MORC2: variants seen among roughly 807,000 people sequenced by gnomAD.
MORC2 encodes the protein MORC family CW-type zinc finger 2.
Under a neutral mutation model 136.0 loss-of-function variants are expected in MORC2, and 30 were observed. That is an observed-to-expected ratio of 0.22 (90% CI 0.17 to 0.30). MORC2 has a LOEUF of 0.30. Among genes scored for constraint, MORC2 ranks in the 10% least tolerant of loss-of-function variants. MORC2 has a pLI of 1.00. For synonymous variants in MORC2, 439 were observed against 487.0 expected, an observed-to-expected ratio of 0.90 and a Z score of 1.30; for missense variants, 922 against 1,333.1, an observed-to-expected ratio of 0.69 and a Z score of 4.80.
At chr22:30,933,611 T>C (rs930132701) in intron 20 of MORC2, 91 bp from the exon 21 acceptor site, 26 of 1,244,516 alleles carry the variant, frequency 2.1e-5, no homozygotes, top group Non-Finnish European at 2.7e-5. Flanking sequence ...TCAGCCATCA[T>C]CTTCACGACT....
In MORC2 at chr22:30,941,425, G is replaced by C. The variant is rs1569194731; in HGVS notation, c.824+8C>G. The stretch of plus-strand genomic sequence containing the variant: ...GGAGACAGCAGGCCAAGGGGCACTG[G>C]CCCCTACCTGGGCTTGTACAGGCAG... On this transcript the variant is annotated splice_region_variant and intron_variant, in intron 9 of 25. Transcript: ENST00000397641. The surrounding 1 kb of genome is among the most constrained non-coding windows in gnomAD (Gnocchi z 4.6). 6.2e-7 allele frequency: 1 copy of C among 1,613,598 alleles called. No homozygotes were observed. Among genetic ancestry groups the C allele is most frequent in the South Asian group, 1.1e-5 (1 of 91,058 alleles).
chr22:30,933,658 G>T, intron 20 of MORC2, 138 bp from the exon 21 acceptor site: 1 of 817,696 alleles, frequency 1.2e-6, no homozygotes, highest in Non-Finnish European at 2.0e-6. Flanking sequence ...GCCCCGTTGA[G>T]AGCCACACTC....
intron 24 of MORC2, 86 bp from the exon 25 acceptor site, chr22:30,928,293 C>T (rs184482945): frequency 1.6e-5 from 21 of 1,352,240 alleles, no homozygotes; most frequent in Non-Finnish European, 1.9e-5. Flanking sequence ...GTCTCCAGCC[C>T]GCTTTACCCA....
chr22:30,943,208 T>G (rs973025283), intron 6 of MORC2, among the ~76,000 whole-genome samples: 4 of 152,034 alleles, frequency 2.6e-5, no homozygotes, highest in Non-Finnish European at 5.9e-5. Context: ...AATTCACAAA[T>G]AGGCAAAACT....
chr22:30,937,508 G>A lies in MORC2; in HGVS notation c.1498+75C>T, dbSNP rs1363049963. 44 of 1,565,284 alleles carry A rather than the reference G, an allele frequency of 2.8e-5. No individual in the cohort carries two copies. The South Asian group carries it at 5.1e-4, about 18-fold the overall frequency. On this transcript the variant is annotated intron_variant, in intron 15 of 25. Coordinates refer to ENST00000397641, the MANE Select transcript of MORC2 (RefSeq NM_001303256.3). This position sits in a 1 kb window ranked among gnomAD's most constrained non-coding sequence, Gnocchi z 4.7. ...CCATGAATGTCAGTCAAGTTAGGAG[G>A]CTGGCAGGAAGATAGAGAAAAGAGG...
At chr22:30,967,524 T>G in intron 1 of MORC2, 1 of 1,190,430 alleles carries the variant, frequency 8.4e-7, no homozygotes, top group Non-Finnish European at 1.0e-6. Flanking sequence ...GAGCAGTATT[T>G]GTTGGATTCC....
chr22:30,956,191 C>T (rs1394180991), intron 3 of MORC2, among the ~76,000 whole-genome samples: 4 of 152,142 alleles, frequency 2.6e-5, no homozygotes, highest in African/African-American at 7.2e-5. Context: ...GATCTTACTA[C>T]AAAACAGCAG....
At chr22:30,953,836 G>A (rs1000757348) in intron 3 of MORC2, among the ~76,000 whole-genome samples, 5 of 152,214 alleles carry the variant, frequency 3.3e-5, no homozygotes, top group Admixed American at 3.3e-4. Flanking sequence ...TGAGAGGCTG[G>A]CTCCTTTTTT....
chr22:30,968,072 AGT>A lies in MORC2; in HGVS notation c.-185_-184del. The A allele has an allele frequency of 1.8e-6, 1 of 560,274 alleles. No homozygotes were observed. The highest frequency in any genetic ancestry group is 1.9e-5 in the African/African-American group (1 of 52,390). The allele number at this position is 560,274 out of a possible 1,614,324, so 34.7% of individuals were successfully genotyped here. The stretch of plus-strand genomic sequence containing the variant: ...GATGTTTAAAACTACAATTTCTTCA[AGT>A]GTTTTTTTTTAATCTTCTCAATGAT... On this transcript the variant is annotated 5_prime_UTR_variant, in exon 1 of 26. Transcript: ENST00000397641.
At chr22:30,929,980 G>A (rs2040549250) in intron 24 of MORC2, 1 of 152,066 alleles carries the variant, frequency 6.6e-6, no homozygotes, top group Non-Finnish European at 1.5e-5. Flanking sequence ...GGCCTCCCAA[G>A]TAGCTGGGAT....
chr22:30,949,262 A>T (rs2040857528), intron 5 of MORC2, among the ~76,000 whole-genome samples: 1 of 152,194 alleles, frequency 6.6e-6, no homozygotes, highest in Admixed American at 6.5e-5. Flanking sequence ...CCCTGCTATA[A>T]GGGCCTTGCA....
At chr22:30,967,673 T>C in intron 1 of MORC2, 149 bp downstream of exon 1, 1 of 1,452,384 alleles carries the variant, frequency 6.9e-7, no homozygotes, top group South Asian at 1.5e-5. Context: ...AGTTCTTCAA[T>C]ACAGAGCTCA....
At chr22:30,967,612 T>C (rs2041148568) in intron 1 of MORC2, 1 of 1,361,806 alleles carries the variant, frequency 7.3e-7, no homozygotes, top group Non-Finnish European at 9.4e-7. Context: ...TTTGATCCAA[T>C]AAACAAAAAT....
chr22:30,965,781 C>T (rs1471822625), intron 1 of MORC2, among the ~76,000 whole-genome samples: 2 of 152,188 alleles, frequency 1.3e-5, no homozygotes, highest in Non-Finnish European at 1.5e-5. Flanking sequence ...AGAAATATCC[C>T]AGAGTCCTTA....
chr22:30,940,059 A>C lies in MORC2; in HGVS notation c.905-18T>G. 1 of 1,612,018 alleles carries C rather than the reference A, an allele frequency of 6.2e-7. No homozygotes were observed. Among genetic ancestry groups the C allele is most frequent in the Non-Finnish European group, 8.5e-7 (1 of 1,179,470 alleles). On this transcript the variant is annotated intron_variant, in intron 10 of 25. Coordinates refer to ENST00000397641, the MANE Select transcript of MORC2 (RefSeq NM_001303256.3). ...CTCTTCAGCTGAAACCCAGAAGAGAACATGGTAAGAAATGCAAAGGTTCAA... is the reference window on the plus strand; with the variant it reads ...CTCTTCAGCTGAAACCCAGAAGAGACCATGGTAAGAAATGCAAAGGTTCAA...
At chr22:30,960,965 A>G (rs1275665253) in intron 1 of MORC2, among the ~76,000 whole-genome samples, 2 of 152,008 alleles carry the variant, frequency 1.3e-5, no homozygotes, top group Non-Finnish European at 1.5e-5. Flanking sequence ...TCCAGGGTTC[A>G]AGCAATTCTT....
chr22:30,958,969 C>A, intron 1 of MORC2: 1 of 302,158 alleles, frequency 3.3e-6, no homozygotes, highest in Non-Finnish European at 6.2e-6. Context: ...TGTGTAGTAA[C>A]TGCTAAAAGT....
At chr22:30,953,551 G>A (rs1170214352) in intron 3 of MORC2, among the ~76,000 whole-genome samples, 2 of 152,206 alleles carry the variant, frequency 1.3e-5, no homozygotes, top group Admixed American at 6.5e-5. Context: ...GTGTCCCCAG[G>A]AGAGGCTGCA....
At position 30,946,421 on chromosome 22, in the gene MORC2, T is replaced by C. The variant is rs747210413; in HGVS notation, c.346A>G (p.Ile116Val). 1 of 1,610,394 alleles carries C rather than the reference T, an allele frequency of 6.2e-7. No individual in the cohort carries two copies. The highest frequency in any genetic ancestry group is 1.1e-5 in the South Asian group (1 of 90,094). The change falls in exon 6 of 26, where the codon ATC becomes GTC. Residue 116 changes from isoleucine to valine, a missense_variant. By Grantham distance (29) the Ile-to-Val change is conservative. Transcript: ENST00000397641. ...GTGTCTTCCTTCTTGGTGAACAGGA[T>C]AAAATCCTTCCCAATGCGCATTGAG... ...SGSMRIGKDFILFTKKEDTMT... is the reference protein window; with the variant it reads ...SGSMRIGKDFVLFTKKEDTMT...
Sources: gnomAD v4.1 joint callset for allele counts (sites outside exome capture counted in the v4.1 genomes callset) on GRCh38, gnomAD v4.1.1 for gene constraint, Gnocchi (gnomAD v3.1) non-coding constraint, MANE v1.5 for transcripts, NCBI Gene and HGNC (gene_info 2026-07-23, HGNC 2026-07-21) for gene names.